DOK1: variants seen among roughly 807,000 people sequenced by gnomAD.
DOK1 encodes docking protein 1.
A neutral mutation model predicts 24.0 loss-of-function variants in DOK1; 12 were observed. That is an observed-to-expected ratio of 0.50 (90% CI 0.32 to 0.81). DOK1 has a LOEUF of 0.81. Among genes scored for constraint, DOK1 ranks in the 30% least tolerant of loss-of-function variants. The pLI is 0.03. For missense variants in DOK1, 591 were observed against 620.7 expected (o/e 0.95, Z 0.51); for synonymous variants, 250 against 260.9 (o/e 0.96, Z 0.40).
In DOK1 at chr2:74,557,213, G is replaced by A; in HGVS notation, c.*99G>A. 1 of 1,268,124 alleles carries A rather than the reference G, an allele frequency of 7.9e-7. No homozygotes were observed. The highest frequency in any genetic ancestry group is 1.1e-6 in the Non-Finnish European group (1 of 925,504). 78.6% of individuals were successfully genotyped at this position (1,268,124 alleles called of 1,614,324 possible). The stretch of plus-strand genomic sequence containing the variant: ...AACCAGCAGAAGCCAGAGGGTGGGA[G>A]GGGCCATGCTGTGTGAGACCAGGGG... On this transcript the variant is annotated 3_prime_UTR_variant, in exon 5 of 5. Coordinates refer to ENST00000233668, the MANE Select transcript of DOK1 (RefSeq NM_001381.5).
At chr2:74,549,840 G>T (rs1676885688), upstream of DOK1, 2 of 985,342 alleles carry the variant, frequency 2.0e-6, no homozygotes, top group Admixed American at 6.1e-5. The surrounding 1 kb of genome is among the most constrained non-coding windows in gnomAD (Gnocchi z 5.3). Context: ...CCTGGAGCAG[G>T]AGGGAGCACT....
Position 74,557,200 on chromosome 2 carries a change from C to T in DOK1, c.*86C>T, listed in dbSNP as rs1677547615. On this transcript the variant is annotated 3_prime_UTR_variant, in exon 5 of 5. Coordinates refer to ENST00000233668, the MANE Select transcript of DOK1 (RefSeq NM_001381.5). ...AGAAGATGGTTAGAACCAGCAGAAG[C>T]CAGAGGGTGGGAGGGGCCATGCTGT... is the stretch of plus-strand genomic sequence containing the variant. The T allele has an allele frequency of 1.4e-6, 2 of 1,396,892 alleles. No individual in the cohort carries two copies. Among genetic ancestry groups the T allele is most frequent in the Admixed American group, 4.6e-5 (2 of 43,338 alleles). 86.5% of individuals were successfully genotyped at this position (1,396,892 alleles called of 1,614,324 possible).
chr2:74,556,333 G>A lies in DOK1; in HGVS notation c.665G>A (p.Arg222His), dbSNP rs1367121845. Residue 222 changes from arginine to histidine, a missense_variant, in exon 5 of 5, where the codon CGC (arginine) becomes CAC (histidine). Arg to His is a conservative substitution (Grantham distance 29, BLOSUM62 0). Coordinates refer to ENST00000233668, the MANE Select transcript of DOK1 (RefSeq NM_001381.5). The surrounding 1 kb of genome is among the most constrained non-coding windows in gnomAD (Gnocchi z 4.1). ...DKVMFSFEAG[R>H]RCPSGPGTFT... is the part of the protein sequence containing the mutation. ...GTCATGTTCTCTTTCGAGGCCGGCC[G>A]CCGCTGCCCCTCAGGCCCTGGAACC... 3 of 1,612,706 alleles carry A rather than the reference G, an allele frequency of 1.9e-6. No individual in the cohort carries two copies. The highest frequency in any genetic ancestry group is 1.1e-5 in the South Asian group (1 of 91,080).
rs747590556 is a variant in DOK1 at position 74,555,333 on chromosome 2, C to A, written c.240C>A (p.Thr80=). ...GTGTGGCCCCCGTCACCGTGGAGACCCCCCCTGAGCCCGGCGCCACTGCCT... is the reference window on the plus strand; with the variant it reads ...GTGTGGCCCCCGTCACCGTGGAGACACCCCCTGAGCCCGGCGCCACTGCCT... ...CVSVAPVTVE[T]PPEPGATAFR... is the part of the protein sequence containing the mutation. The change falls in exon 2 of 5, where the codon ACC becomes ACA. Residue 80 remains threonine (T), a synonymous_variant. Transcript: ENST00000233668. This position sits in a 1 kb window ranked among gnomAD's most constrained non-coding sequence, Gnocchi z 6.1. The A allele has an allele frequency of 6.2e-6, 10 of 1,613,896 alleles. No homozygotes were observed. Among genetic ancestry groups the A allele is most frequent in the Non-Finnish European group, 7.6e-6 (9 of 1,179,958 alleles).
chr2:74,556,830 T>G lies in DOK1; in HGVS notation c.1162T>G (p.Trp388Gly). The change falls in exon 5 of 5, where the codon TGG becomes GGG. Residue 388 changes from tryptophan (W) to glycine (G), a missense_variant. Coordinates refer to ENST00000233668, the MANE Select transcript of DOK1 (RefSeq NM_001381.5). This position sits in a 1 kb window ranked among gnomAD's most constrained non-coding sequence, Gnocchi z 4.1. ...DLPREPKDAW[W>G]CQARVKEEGY... ...GCCTCGGGAGCCCAAGGATGCATGGTGGTGCCAAGCTCGGGTGAAGGAGGA... is the reference window on the plus strand; with the variant it reads ...GCCTCGGGAGCCCAAGGATGCATGGGGGTGCCAAGCTCGGGTGAAGGAGGA... The G allele has an allele frequency of 6.2e-7, 1 of 1,614,142 alleles. No homozygotes were observed. Among genetic ancestry groups the G allele is most frequent in the South Asian group, 1.1e-5 (1 of 91,084 alleles).
upstream of DOK1, chr2:74,554,500 A>C: frequency 1.8e-6 from 1 of 558,214 alleles, no homozygotes; most frequent in Non-Finnish European, 3.2e-6. This position sits in a 1 kb window ranked among gnomAD's most constrained non-coding sequence, Gnocchi z 4.9. Flanking sequence ...CCTCGCGCCA[A>C]AACCGAGGAC....
chr2:74,549,277 G>C lies in DOK1; in HGVS notation c.-358+105G>C. On this transcript the variant is annotated intron_variant, in intron 1 of 4. Transcript: ENST00000409429. This position sits in a 1 kb window ranked among gnomAD's most constrained non-coding sequence, Gnocchi z 5.3. ...CGCGTCCCGACCCCCGGGTCCTCCC[G>C]TGCCCCGGACCTGCTCAGATGTCTC... 7.3e-7 allele frequency: 1 copy of C among 1,367,188 alleles called. No homozygotes were observed. The highest frequency in any genetic ancestry group is 1.6e-5 in the South Asian group (1 of 61,132). 84.7% of individuals were successfully genotyped at this position (1,367,188 alleles called of 1,614,324 possible). A position where few individuals can be genotyped will look rare whatever the true frequency, so the allele number is the denominator to read the frequency against.
chr2:74,555,248 G>C lies in DOK1; in HGVS notation c.155G>C (p.Gly52Ala), dbSNP rs759486692. The change falls in exon 2 of 5, where the codon GGT (glycine) becomes GCT (alanine). Residue 52 changes from glycine to alanine, a missense_variant. Physicochemically the swap from Gly to Ala is moderately conservative, Grantham distance 60. Coordinates refer to ENST00000233668, the MANE Select transcript of DOK1 (RefSeq NM_001381.5). The surrounding 1 kb of genome is among the most constrained non-coding windows in gnomAD (Gnocchi z 6.1). ...GACCATAAGGGGTCGAGCTCTGGGG[G>C]TGGCCGAGGGAGCTCGCGCCGCCTG... ...FFDHKGSSSG[G>A]GRGSSRRLDC... is the part of the protein sequence containing the mutation. 1 of 1,613,950 alleles carries C rather than the reference G, an allele frequency of 6.2e-7. No individual in the cohort carries two copies. Among genetic ancestry groups the C allele is most frequent in the Admixed American group, 1.7e-5 (1 of 60,030 alleles).
In DOK1 at chr2:74,555,557, C is replaced by G; in HGVS notation, c.361-18C>G. The G allele has an allele frequency of 1.9e-6, 3 of 1,610,376 alleles. No individual in the cohort carries two copies. The highest frequency in any genetic ancestry group is 2.2e-5 in the South Asian group (2 of 90,942). On this transcript the variant is annotated intron_variant, in intron 2 of 4. Coordinates refer to ENST00000233668, the MANE Select transcript of DOK1 (RefSeq NM_001381.5). The surrounding 1 kb of genome is among the most constrained non-coding windows in gnomAD (Gnocchi z 6.1). ...CCCGCTGAGGAAATTACGGGTTTCT[C>G]GATGCTCTCTACTACAGAAAGGCAG...
chr2:74,551,649 C>A (rs1401798275), upstream of DOK1, among the ~76,000 whole-genome samples: 1 of 152,198 alleles, frequency 6.6e-6, no homozygotes, highest in African/African-American at 2.4e-5. Context: ...TTCTACTGTC[C>A]CTCTTAAAAC....
chr2:74,551,262 T>G (rs193145905), upstream of DOK1, among the ~76,000 whole-genome samples: 150 of 152,344 alleles, frequency 9.8e-4, 2 homozygotes, highest in African/African-American at 3.5e-3. Flanking sequence ...ACTGGCTTCC[T>G]CTCAGAATTG....
Position 74,555,095 on chromosome 2 carries a change from CG to C in DOK1, c.61-56del. ...CTTGCGCCGCAACCTCCTTCCCCGT[CG>C]GGACCCGGGCCGCCTGCGCACGCCA... On this transcript the variant is annotated intron_variant, in intron 1 of 4. Coordinates refer to ENST00000233668, the MANE Select transcript of DOK1 (RefSeq NM_001381.5). This position sits in a 1 kb window ranked among gnomAD's most constrained non-coding sequence, Gnocchi z 6.1. The C allele has an allele frequency of 6.5e-7, 1 of 1,547,770 alleles. No homozygotes were observed. The highest frequency in any genetic ancestry group is 8.7e-7 in the Non-Finnish European group (1 of 1,147,360).
At chr2:74,554,608 C>A, upstream of DOK1, 1 of 714,234 alleles carries the variant, frequency 1.4e-6, no homozygotes, top group Non-Finnish European at 2.3e-6. The surrounding 1 kb of genome is among the most constrained non-coding windows in gnomAD (Gnocchi z 4.9). Context: ...TTCCTTCTCG[C>A]TCCTCTCCCT....
In DOK1 at chr2:74,549,512, G is replaced by A. The variant is rs1344921393; in HGVS notation, c.-358+340G>A. On this transcript the variant is annotated intron_variant, in intron 1 of 4. Transcript: ENST00000409429. This position sits in a 1 kb window ranked among gnomAD's most constrained non-coding sequence, Gnocchi z 5.3. ...TGACTTCCACCAGCCCCTCCGTCAC[G>A]GGCAGGGGTCGTCTGCCCCACCCAA... is the stretch of plus-strand genomic sequence containing the variant. 3.7e-6 allele frequency: 6 copies of A among 1,613,478 alleles called. No individual in the cohort carries two copies. In the African/African-American group the frequency reaches 4.0e-5, roughly 11 times the overall value.
Position 74,549,318 on chromosome 2 carries a change from A to G in DOK1, c.-358+146A>G. On this transcript the variant is annotated intron_variant, in intron 1 of 4. Transcript: ENST00000409429. This position sits in a 1 kb window ranked among gnomAD's most constrained non-coding sequence, Gnocchi z 5.3. ...CAGATGTCTCCCAAGGCTATTCATC[A>G]GGGAGCACCCCAATCCCGGCCTGCT... 1 of 1,507,386 alleles carries G rather than the reference A, an allele frequency of 6.6e-7. No homozygotes were observed. Among genetic ancestry groups the G allele is most frequent in the Non-Finnish European group, 8.9e-7 (1 of 1,122,454 alleles). The allele number at this position is 1,507,386 out of a possible 1,614,324, so 93.4% of individuals were successfully genotyped here.
chr2:74,557,211 G>C lies in DOK1; in HGVS notation c.*97G>C. On this transcript the variant is annotated 3_prime_UTR_variant, in exon 5 of 5. Transcript: ENST00000233668. ...AGAACCAGCAGAAGCCAGAGGGTGGGAGGGGCCATGCTGTGTGAGACCAGG... is the reference window on the plus strand; with the variant it reads ...AGAACCAGCAGAAGCCAGAGGGTGGCAGGGGCCATGCTGTGTGAGACCAGG... 1 of 1,279,528 alleles carries C rather than the reference G, an allele frequency of 7.8e-7. No homozygotes were observed. The highest frequency in any genetic ancestry group is 1.1e-6 in the Non-Finnish European group (1 of 933,960). 79.3% of individuals were successfully genotyped at this position (1,279,528 alleles called of 1,614,324 possible).
At position 74,555,653 on chromosome 2, in the gene DOK1, A is replaced by G. The variant is rs1390810089; in HGVS notation, c.439A>G (p.Ser147Gly). 2 of 1,614,058 alleles carry G rather than the reference A, an allele frequency of 1.2e-6. No homozygotes were observed. The highest frequency in any genetic ancestry group is 2.7e-5 in the African/African-American group (2 of 75,038). The change falls in exon 3 of 5, where the codon AGC becomes GGC. Residue 147 changes from serine (S) to glycine (G), a missense_variant. Coordinates refer to ENST00000233668, the MANE Select transcript of DOK1 (RefSeq NM_001381.5). This position sits in a 1 kb window ranked among gnomAD's most constrained non-coding sequence, Gnocchi z 6.1. ...ALEMLENSLY[S>G]PTWEGSQFWV... ...GGAGATGCTGGAGAACTCCTTGTAC[A>G]GCCCTACCTGGGAAGGTAGACGCCT...
upstream of DOK1, chr2:74,550,370 G>A: frequency 6.2e-7 from 1 of 1,608,778 alleles, no homozygotes; most frequent in Non-Finnish European, 8.5e-7. Context: ...GAGATGAAGG[G>A]ACAGAGAAGC....
chr2:74,549,268 G>A lies in DOK1; in HGVS notation c.-358+96G>A. ...ATTTTCCCGCGCGTCCCGACCCCCGGGTCCTCCCGTGCCCCGGACCTGCTC... is the reference window on the plus strand; with the variant it reads ...ATTTTCCCGCGCGTCCCGACCCCCGAGTCCTCCCGTGCCCCGGACCTGCTC... On this transcript the variant is annotated intron_variant, in intron 1 of 4. Coordinates refer to the DOK1 transcript ENST00000409429. The surrounding 1 kb of genome is among the most constrained non-coding windows in gnomAD (Gnocchi z 5.3). 1 of 1,326,634 alleles carries A rather than the reference G, an allele frequency of 7.5e-7. No homozygotes were observed. 82.2% of individuals were successfully genotyped at this position (1,326,634 alleles called of 1,614,324 possible). A position where few individuals can be genotyped will look rare whatever the true frequency, so the allele number is the denominator to read the frequency against.
Sources: allele counts gnomAD v4.1 joint callset (sites outside exome capture counted in the v4.1 genomes callset), GRCh38; gene constraint gnomAD v4.1.1; non-coding constraint Gnocchi (gnomAD v3.1); transcripts MANE v1.5; gene names NCBI Gene and HGNC (gene_info 2026-07-23, HGNC 2026-07-21).